Variants in NDUFS1 observed in about 807,000 individuals in gnomAD.
NDUFS1 encodes the protein NADH-ubiquinone oxidoreductase 75 kDa subunit, mitochondrial.
In NDUFS1, 61 loss-of-function variants were observed where a neutral mutation model predicts 84.4. The ratio of observed to expected loss-of-function variants is 0.72; its 90% CI spans 0.59 to 0.89. The LOEUF (loss-of-function observed/expected upper bound fraction) is 0.89. Ranked by LOEUF, NDUFS1 falls within the 40% of genes least tolerant of loss-of-function variation. The pLI, the probability that NDUFS1 is intolerant of heterozygous loss-of-function variation, is 0.00. For synonymous variants in NDUFS1, 275 were observed against 290.0 expected, an observed-to-expected ratio of 0.95 and a Z score of 0.53; for missense variants, 891 against 890.0, an observed-to-expected ratio of 1.00 and a Z score of -0.01.
chr2:206,159,260 G>A, intron 1 of NDUFS1, 81 bp downstream of exon 1: 1 of 900,348 alleles, frequency 1.1e-6, no homozygotes, highest in Non-Finnish European at 1.8e-6. Context: ...ACTACGTCGC[G>A]TGGGCCAAAG....
At chr2:206,157,762 C>CA (rs1687718131) in intron 1 of NDUFS1, among the ~76,000 whole-genome samples, 1 of 152,100 alleles carries the variant, frequency 6.6e-6, no homozygotes, top group South Asian at 2.1e-4. Context: ...ATTGATATGC[C>CA]AAGTAGCAAT....
rs1690913624 is a variant in NDUFS1, at chr2:206,115,231, T to C, written c.*8954A>G. ...GCTATTGGGATGGAATGAATTTATT[T>C]TGCATGTGAGGACATGAATCTGGGG... On this transcript the variant is annotated 3_prime_UTR_variant, in exon 19 of 19. Transcript: ENST00000233190. The C allele has an allele frequency of 6.6e-6, 1 of 152,282 alleles. No homozygotes were observed. Among genetic ancestry groups the C allele is most frequent in the Non-Finnish European group, 1.5e-5 (1 of 68,074 alleles). The allele number at this position is 152,282 out of a possible 1,614,324, so 9.4% of individuals were successfully genotyped here.
chr2:206,140,941 T>TACACACACACACACACACAC (rs757622422), intron 12 of NDUFS1, among the ~76,000 whole-genome samples: 280 of 67,054 alleles, frequency 4.2e-3, no homozygotes, highest in African/African-American at 6.6e-3. Context: ...TATATATATA[T>TACACACACACACACACACAC]ATACACACAC....
In NDUFS1 at chr2:206,118,491, T is replaced by G. The variant is rs938019672; in HGVS notation, c.*5694A>C. On this transcript the variant is annotated 3_prime_UTR_variant, in exon 19 of 19. Coordinates refer to ENST00000233190, the MANE Select transcript of NDUFS1 (RefSeq NM_005006.7). The stretch of plus-strand genomic sequence containing the variant: ...AAATACAAAAATTAGCCAGGTGTGG[T>G]GGCGTGTGCCTGTAGTCCCAGCCAC... The G allele has an allele frequency of 8.6e-5, 13 of 151,728 alleles. No homozygotes were observed. Among genetic ancestry groups the G allele is most frequent in the African/African-American group, 3.2e-4 (13 of 41,178 alleles). The allele number at this position is 151,728 out of a possible 1,614,324, so 9.4% of individuals were successfully genotyped here.
intron 12 of NDUFS1, among the ~76,000 whole-genome samples, chr2:206,140,902 C>T (rs1188114958): frequency 7.2e-6 from 1 of 139,678 alleles, no homozygotes; most frequent in Non-Finnish European, 1.5e-5. Context: ...TAGATTCACA[C>T]ACACATATAT....
chr2:206,149,298 A>G (rs761897259), intron 4 of NDUFS1, among the ~76,000 whole-genome samples: 2 of 152,232 alleles, frequency 1.3e-5, no homozygotes, highest in Non-Finnish European at 2.9e-5. Context: ...CATTTATCTC[A>G]GAAATAAAAC....
At chr2:206,127,748 T>A (rs748866829) in intron 16 of NDUFS1, 49 bp downstream of exon 16, 2 of 1,584,546 alleles carry the variant, frequency 1.3e-6, no homozygotes, top group African/African-American at 2.7e-5. Context: ...GGCTAAAATA[T>A]CAAATATGCC....
chr2:206,135,469 T>C (rs79517010), intron 13 of NDUFS1, among the ~76,000 whole-genome samples: 2,392 of 151,958 alleles, frequency 0.016, 36 homozygotes, highest in South Asian at 0.032. Flanking sequence ...GGTCAGGAGA[T>C]TGAGACCATC....
intron 16 of NDUFS1, 55 bp from the exon 17 acceptor site, chr2:206,126,899 C>G: frequency 6.3e-7 from 1 of 1,596,644 alleles, no homozygotes; most frequent in Non-Finnish European, 8.6e-7. Flanking sequence ...TTAAAAATAT[C>G]AAATAATAGA....
At chr2:206,144,837 A>C (rs748540035) in intron 9 of NDUFS1, 55 bp downstream of exon 9, 86 of 1,552,500 alleles carry the variant, frequency 5.5e-5, no homozygotes, top group Non-Finnish European at 7.4e-5. Context: ...CAAAATTATT[A>C]TAAAATTTCC....
chr2:206,126,247 C>G (rs1691286645), intron 18 of NDUFS1, among the ~76,000 whole-genome samples: 2 of 152,198 alleles, frequency 1.3e-5, no homozygotes, highest in African/African-American at 2.4e-5. Flanking sequence ...TTATTTGCCA[C>G]TTTGGAAAAT....
intron 14 of NDUFS1, among the ~76,000 whole-genome samples, chr2:206,131,924 G>A (rs1312508706): frequency 6.6e-6 from 1 of 151,734 alleles, no homozygotes; most frequent in East Asian, 1.9e-4. Flanking sequence ...GGGTGACAGA[G>A]CAATACTTCA....
Position 206,133,015 on chromosome 2 carries a change from T to C in NDUFS1, c.1483A>G (p.Ser495Gly), listed in dbSNP as rs535061302. Residue 495 changes from serine to glycine, a missense_variant, in exon 14 of 19, where the codon AGC (serine) becomes GGC (glycine). Physicochemically the swap from Ser to Gly is moderately conservative, Grantham distance 56. Coordinates refer to ENST00000233190, the MANE Select transcript of NDUFS1 (RefSeq NM_005006.7). ...GTCATCCGAATCTTTTGTGCAATGCTAGAAACAGCTGCAAGAATTGCTGCT... is the reference window on the plus strand; with the variant it reads ...GTCATCCGAATCTTTTGTGCAATGCCAGAAACAGCTGCAAGAATTGCTGCT... Reference protein sequence around the residue: ...DGAAILAAVSSIAQKIRMTSG... With the variant: ...DGAAILAAVSGIAQKIRMTSG... 34 of 1,613,896 alleles carry C rather than the reference T, an allele frequency of 2.1e-5. No homozygotes were observed. Among genetic ancestry groups the C allele is most frequent in the African/African-American group, 2.0e-4 (15 of 75,030 alleles).
rs1238041994 is a variant in NDUFS1, at chr2:206,121,492, A to G, written c.*2693T>C. 6.6e-6 allele frequency: 1 copy of G among 152,200 alleles called. No individual in the cohort carries two copies. Among genetic ancestry groups the G allele is most frequent in the African/African-American group, 2.4e-5 (1 of 41,414 alleles). 9.4% of individuals were successfully genotyped at this position (152,200 alleles called of 1,614,324 possible). On this transcript the variant is annotated 3_prime_UTR_variant, in exon 19 of 19. Transcript: ENST00000233190. ...GAGAGGGAGGCTTGTTTCTTCACCC[A>G]GGCTGCAGTGCAATGGTGTGATCTC...
intron 1 of NDUFS1, among the ~76,000 whole-genome samples, chr2:206,153,985 C>A (rs1020045608): frequency 2.0e-5 from 3 of 152,186 alleles, no homozygotes; most frequent in Non-Finnish European, 4.4e-5. Flanking sequence ...AGCACTACCA[C>A]ACAGTAAAAT....
intron 1 of NDUFS1, among the ~76,000 whole-genome samples, chr2:206,157,706 A>C (rs1687715123): frequency 6.6e-6 from 1 of 152,250 alleles, no homozygotes; most frequent in Non-Finnish European, 1.5e-5. Context: ...AGCATAGCCC[A>C]ACATAAGAAA....
chr2:206,153,955 A>C (rs1687516143), intron 1 of NDUFS1, among the ~76,000 whole-genome samples: 1 of 152,238 alleles, frequency 6.6e-6, no homozygotes, highest in South Asian at 2.1e-4. Context: ...AAAAAATGAC[A>C]TAGAAAGGAT....
rs543322044 is a variant in NDUFS1 at position 206,158,479 on chromosome 2, A to C, written c.-5+862T>G. On this transcript the variant is annotated intron_variant, in intron 1 of 18. Transcript: ENST00000233190. ...CCATTTTATTCTTCTTTACGGACTCATTTCTGGCTCGTAGTAAATGTTCAA... is the reference window on the plus strand; with the variant it reads ...CCATTTTATTCTTCTTTACGGACTCCTTTCTGGCTCGTAGTAAATGTTCAA... Among the ~76,000 whole-genome samples the C allele has an allele frequency of 3.9e-5, 6 of 152,208 alleles. No homozygotes were observed. The South Asian group carries it at 1.2e-3, about 32-fold the overall frequency.
chr2:206,144,980 C>T lies in NDUFS1; in HGVS notation c.784G>A (p.Val262Met). The T allele has an allele frequency of 6.2e-7, 1 of 1,614,056 alleles. No homozygotes were observed. Among genetic ancestry groups the T allele is most frequent in the African/African-American group, 1.3e-5 (1 of 75,038 alleles). Reference sequence around the variant, plus strand: ...ACTTCTCCAGTTCTTGTGCTAACCACAATATTACTTCCAACCGCATCCATT... The same window carrying T: ...ACTTCTCCAGTTCTTGTGCTAACCATAATATTACTTCCAACCGCATCCATT... Reference protein sequence around the residue: ...DVMDAVGSNIVVSTRTGEVMR... With the variant: ...DVMDAVGSNIMVSTRTGEVMR... Residue 262 changes from valine (V) to methionine (M), a missense_variant, in exon 9 of 19, where the codon GTG becomes ATG. By Grantham distance (21) the Val-to-Met change is conservative. Transcript: ENST00000233190.
Sources: allele counts gnomAD v4.1 joint callset (sites outside exome capture counted in the v4.1 genomes callset), GRCh38; gene constraint gnomAD v4.1.1; transcripts MANE v1.5; gene names NCBI Gene and HGNC (gene_info 2026-07-23, HGNC 2026-07-21).